XAF1: variants seen among roughly 807,000 people sequenced by gnomAD.
XAF1 encodes XIAP-associated factor 1.
In XAF1, 32 loss-of-function variants were observed where a neutral mutation model predicts 32.3. That is an observed-to-expected ratio of 0.99 (90% CI 0.75 to 1.33). The LOEUF is 1.33. Ranked by LOEUF, XAF1 falls within the 40% of genes most tolerant of loss-of-function variation. The pLI is 0.00. For synonymous variants in XAF1, 120 were observed against 125.9 expected (o/e 0.95, Z 0.31); for missense variants, 379 against 366.0 (o/e 1.04, Z -0.29).
chr17:6,770,036 T>C (rs903139279), intron 5 of XAF1, among the ~76,000 whole-genome samples: 14 of 152,368 alleles, frequency 9.2e-5, no homozygotes, highest in Non-Finnish European at 1.5e-4. Flanking sequence ...GGGACTTTCC[T>C]GTCATCCAAG....
chr17:6,756,062 C>T lies in XAF1; in HGVS notation c.-17C>T. The T allele has an allele frequency of 1.2e-6, 2 of 1,613,848 alleles. No homozygotes were observed. The highest frequency in any genetic ancestry group is 1.7e-6 in the Non-Finnish European group (2 of 1,179,946). ...GCAAGAAACGAAACTCAACCGAAAG[C>T]CTGCAGAGAGCAGAACATGGAAGGA... On this transcript the variant is annotated 5_prime_UTR_variant, in exon 1 of 7. Transcript: ENST00000361842.
chr17:6,758,101 A>T lies in XAF1; in HGVS notation c.45A>T (p.Val15=). The T allele has an allele frequency of 6.2e-7, 1 of 1,614,246 alleles. No individual in the cohort carries two copies. Among genetic ancestry groups the T allele is most frequent in the Non-Finnish European group, 8.5e-7 (1 of 1,180,038 alleles). ...FSVCRNCKRH[V]VSANFTLHEA... Reference sequence around the variant, plus strand: ...CTTGACCCTGTAGTAAAAGACATGTAGTCTCTGCCAACTTCACCCTCCATG... The same window carrying T: ...CTTGACCCTGTAGTAAAAGACATGTTGTCTCTGCCAACTTCACCCTCCATG... Residue 15 remains valine, a synonymous_variant, in exon 2 of 7, where the codon GTA becomes GTT. Coordinates refer to ENST00000361842, the MANE Select transcript of XAF1 (RefSeq NM_017523.5).
chr17:6,759,895 C>A (rs1245608169), intron 3 of XAF1, 177 bp downstream of exon 3: 1 of 1,069,114 alleles, frequency 9.4e-7, no homozygotes, highest in South Asian at 1.5e-5. Flanking sequence ...CTCCTGTCCC[C>A]CAGATACTGA....
chr17:6,774,578 T>G lies in XAF1; in HGVS notation c.*1409T>G, dbSNP rs776378623. On this transcript the variant is annotated 3_prime_UTR_variant, in exon 7 of 7. Transcript: ENST00000361842. ...CAAAAATTGACAAATGGGACATGAT[T>G]AAACAGAATTACCATTTGACTCAGC... 2.0e-5 allele frequency: 3 copies of G among 152,206 alleles called. No homozygotes were observed. The highest frequency in any genetic ancestry group is 4.8e-5 in the African/African-American group (2 of 41,450). The allele number at this position is 152,206 out of a possible 1,614,324, so 9.4% of individuals were successfully genotyped here.
At chr17:6,758,320 G>T (rs1974866908) in intron 2 of XAF1, 96 bp downstream of exon 2, 4 of 1,514,866 alleles carry the variant, frequency 2.6e-6, no homozygotes, top group South Asian at 2.4e-5. Flanking sequence ...GGGGACGAGG[G>T]TCTAGTCCTC....
intron 5 of XAF1, among the ~76,000 whole-genome samples, chr17:6,769,564 C>A (rs2151556676): frequency 6.6e-6 from 1 of 152,274 alleles, no homozygotes; most frequent in East Asian, 1.9e-4. Context: ...GGAGGCTAAT[C>A]TGACTACTTT....
In XAF1 at chr17:6,760,544, C is replaced by T. The variant is rs150987933; in HGVS notation, c.364C>T (p.Arg122Cys). The T allele has an allele frequency of 7.4e-6, 12 of 1,613,402 alleles. No individual in the cohort carries two copies. The highest frequency in any genetic ancestry group is 1.7e-5 in the Admixed American group (1 of 59,978). ...AGGCTGTGGCCAGTTCATCATGCAC[C>T]GCATGCTCGCCCAGCACAGAGATGT... The part of the protein sequence containing the change: ...CQGCGQFIMH[R>C]MLAQHRDVCR... The change falls in exon 4 of 7, where the codon CGC (arginine) becomes TGC (cysteine). Residue 122 changes from arginine to cysteine, a missense_variant. Transcript: ENST00000361842.
chr17:6,762,273 C>A, intron 5 of XAF1, 33 bp downstream of exon 5: 1 of 1,542,442 alleles, frequency 6.5e-7, no homozygotes. Flanking sequence ...CTAATGGTGC[C>A]AATAGTTCAT....
At chr17:6,762,937 C>A (rs559558689) in intron 5 of XAF1, among the ~76,000 whole-genome samples, 6 of 152,336 alleles carry the variant, frequency 3.9e-5, no homozygotes, top group African/African-American at 1.4e-4. Flanking sequence ...ACTAAAGAAA[C>A]CATAGAGACG....
intron 1 of XAF1, among the ~76,000 whole-genome samples, chr17:6,756,847 C>G (rs1974715752): frequency 6.6e-6 from 1 of 152,158 alleles, no homozygotes; most frequent in Admixed American, 6.5e-5. Context: ...CCTCTCGGAG[C>G]ACGTCCCCTG....
In XAF1 at chr17:6,770,999, T is replaced by G; in HGVS notation, c.849+15T>G. The G allele has an allele frequency of 6.2e-7, 1 of 1,613,334 alleles. No individual in the cohort carries two copies. The highest frequency in any genetic ancestry group is 8.5e-7 in the Non-Finnish European group (1 of 1,179,528). On this transcript the variant is annotated intron_variant, in intron 6 of 6. Transcript: ENST00000361842. ...ATCAACATCAGGTACTCAGCCTCTG[T>G]TCTCTGCTTACCTTTCTGGGAACCA...
At chr17:6,758,042 A>G in intron 1 of XAF1, 47 bp from the exon 2 acceptor site, 1 of 1,611,998 alleles carries the variant, frequency 6.2e-7, no homozygotes. Flanking sequence ...ATGTTTTATA[A>G]TATGAAAATA....
Position 6,770,763 on chromosome 17 carries a change from G to A in XAF1, c.628G>A (p.Val210Ile). 6.2e-7 allele frequency: 1 copy of A among 1,614,038 alleles called. No individual in the cohort carries two copies. Among genetic ancestry groups the A allele is most frequent in the African/African-American group, 1.3e-5 (1 of 75,034 alleles). ...ENQTSTMEKD[V>I]RPKTRSINRF... Reference sequence around the variant, plus strand: ...TCAAACTTCCACGATGGAGAAAGATGTTCGTCCAAAGACAAGAAGTATAAA... The same window carrying A: ...TCAAACTTCCACGATGGAGAAAGATATTCGTCCAAAGACAAGAAGTATAAA... The change falls in exon 6 of 7, where the codon GTT (valine) becomes ATT (isoleucine). Residue 210 changes from valine (V) to isoleucine (I), a missense_variant. Transcript: ENST00000361842.
intron 5 of XAF1, among the ~76,000 whole-genome samples, chr17:6,763,452 G>A (rs959044898): frequency 5.9e-5 from 9 of 151,870 alleles, no homozygotes; most frequent in Non-Finnish European, 1.0e-4. Flanking sequence ...CTCAGCCTCC[G>A]GAGTAGCTGG....
chr17:6,759,468 G>T, intron 2 of XAF1, 194 bp from the exon 3 acceptor site: 1 of 1,428,940 alleles, frequency 7.0e-7, no homozygotes, highest in Non-Finnish European at 9.1e-7. Flanking sequence ...AACTCAGACT[G>T]GTCTGACAAA....
chr17:6,764,035 T>C (rs1490474809), intron 5 of XAF1, among the ~76,000 whole-genome samples: 1 of 152,158 alleles, frequency 6.6e-6, no homozygotes, highest in African/African-American at 2.4e-5. Flanking sequence ...CCTACACACT[T>C]ATTTGAAGGC....
chr17:6,760,634 T>A, intron 4 of XAF1, 33 bp downstream of exon 4: 1 of 1,585,556 alleles, frequency 6.3e-7, no homozygotes, highest in Non-Finnish European at 8.6e-7. Context: ...AAGAGAGACG[T>A]TCCAAGGGCC....
At chr17:6,768,641 A>G (rs1313005331) in intron 5 of XAF1, among the ~76,000 whole-genome samples, 3 of 151,994 alleles carry the variant, frequency 2.0e-5, no homozygotes. Flanking sequence ...ATTAACAGCT[A>G]TTTTCTCTTA....
chr17:6,755,449 A>C, upstream of XAF1: 1 of 985,936 alleles, frequency 1.0e-6, no homozygotes, highest in Non-Finnish European at 1.2e-6. Flanking sequence ...ATCACTCCAG[A>C]TGTTGTTTAG....
Sources: gnomAD v4.1 joint callset for allele counts (sites outside exome capture counted in the v4.1 genomes callset) on GRCh38, gnomAD v4.1.1 for gene constraint, MANE v1.5 for transcripts, NCBI Gene and HGNC (gene_info 2026-07-23, HGNC 2026-07-21) for gene names.